PCNX2: variants seen among roughly 807,000 people sequenced by gnomAD.
PCNX2 encodes pecanex-like protein 2.
Under a neutral mutation model 223.8 loss-of-function variants are expected in PCNX2, and 168 were observed. The ratio of observed to expected loss-of-function variants is 0.75; its 90% CI spans 0.66 to 0.85. The LOEUF (loss-of-function observed/expected upper bound fraction) is 0.85. Ranked by LOEUF, PCNX2 falls within the 40% of genes least tolerant of loss-of-function variation. The pLI is 0.00. For synonymous variants in PCNX2, 1,006 were observed against 1,052.6 expected, an observed-to-expected ratio of 0.96 and a Z score of 0.86; for missense variants, 2,507 against 2,675.5, an observed-to-expected ratio of 0.94 and a Z score of 1.39.
At chr1:233,219,893 C>T (rs1657265120) in intron 10 of PCNX2, among the ~76,000 whole-genome samples, 1 of 152,178 alleles carries the variant, frequency 6.6e-6, no homozygotes, top group Non-Finnish European at 1.5e-5. Context: ...CAAATGAGAA[C>T]TCTAGTGAAA....
intron 8 of PCNX2, among the ~76,000 whole-genome samples, chr1:233,242,324 C>T (rs934805769): frequency 1.3e-5 from 2 of 152,100 alleles, no homozygotes; most frequent in African/African-American, 4.8e-5. Context: ...GTTGAAGTTC[C>T]ATCCTTGATA....
At chr1:233,087,160 G>A (rs189967926) in intron 23 of PCNX2, 2 of 985,396 alleles carry the variant, frequency 2.0e-6, no homozygotes, top group East Asian at 1.1e-4. Context: ...GTATTAAAAT[G>A]GTTTTGTTAC....
At chr1:233,060,889 C>A (rs1037247450) in intron 23 of PCNX2, among the ~76,000 whole-genome samples, 2 of 152,174 alleles carry the variant, frequency 1.3e-5, no homozygotes, top group Admixed American at 1.3e-4. Context: ...CTGAGAAGCA[C>A]CCCTCTTTTA....
chr1:233,131,907 T>C (rs1036269049), intron 21 of PCNX2, among the ~76,000 whole-genome samples: 1 of 151,694 alleles, frequency 6.6e-6, no homozygotes, highest in Non-Finnish European at 1.5e-5. Context: ...GTCAAATGCC[T>C]GCACAACTAA....
chr1:233,155,602 C>A (rs891627405), intron 19 of PCNX2, among the ~76,000 whole-genome samples: 2 of 152,112 alleles, frequency 1.3e-5, no homozygotes, highest in African/African-American at 4.8e-5. Flanking sequence ...AGAGTACAGT[C>A]ATCAAATCAG....
In PCNX2 at chr1:233,135,025, A is replaced by C. The variant is rs1210671975; in HGVS notation, c.3825T>G (p.Ile1275Met). The change falls in exon 21 of 34, where the codon ATT becomes ATG. Residue 1275 changes from isoleucine (I) to methionine (M), a missense_variant. By Grantham distance (10) the Ile-to-Met change is conservative. Around this residue, in one of 3 missense-constraint regions of PCNX2, gnomAD observed 1,372 missense variants for 1,509.4 expected, o/e 0.91. Transcript: ENST00000258229. ...SFLLDFFMVS[I>M]LFSKLGDLLH... ...CTAATTCACTTGCCTTGCTAAATAA[A>C]ATGGACACCATGAAGAAATCCAGTA... is the stretch of plus-strand genomic sequence containing the variant. The C allele has an allele frequency of 6.2e-7, 1 of 1,605,616 alleles. No homozygotes were observed. Among genetic ancestry groups the C allele is most frequent in the Admixed American group, 1.7e-5 (1 of 60,022 alleles).
At chr1:233,115,847 T>C (rs1234925856) in intron 21 of PCNX2, among the ~76,000 whole-genome samples, 1 of 152,108 alleles carries the variant, frequency 6.6e-6, no homozygotes, top group African/African-American at 2.4e-5. Context: ...ATGGTCTAAA[T>C]ATACTAAAGA....
the PCNX2 span, among the ~76,000 whole-genome samples, chr1:233,314,861 C>T: frequency 1.3e-5 from 2 of 152,208 alleles, no homozygotes; most frequent in African/African-American, 2.4e-5. Flanking sequence ...ATTGAACCCT[C>T]ACCTTTATCA....
At chr1:233,178,994 A>G (rs1288019630) in intron 16 of PCNX2, 72 bp downstream of exon 16, 1 of 1,352,318 alleles carries the variant, frequency 7.4e-7, no homozygotes, top group East Asian at 2.3e-5. Context: ...TGCCCATCTC[A>G]GTCAGGGCAC....
intron 17 of PCNX2, among the ~76,000 whole-genome samples, chr1:233,175,352 A>C (rs74826203): frequency 0.013 from 1,962 of 152,330 alleles, 26 homozygotes; most frequent in South Asian, 0.037. Flanking sequence ...AGGGTATGAA[A>C]ACCAAGGGAG....
intron 1 of PCNX2, among the ~76,000 whole-genome samples, chr1:233,285,743 T>C (rs1225286009): frequency 6.6e-6 from 1 of 152,252 alleles, no homozygotes. Flanking sequence ...TGGTTATTAC[T>C]TCAGCATAAG....
chr1:233,271,607 G>A (rs897210769), intron 1 of PCNX2, among the ~76,000 whole-genome samples: 2 of 152,120 alleles, frequency 1.3e-5, no homozygotes, highest in African/African-American at 4.8e-5. Context: ...TTAAAATCAG[G>A]TCTTAGGTTT....
intron 9 of PCNX2, among the ~76,000 whole-genome samples, chr1:233,229,094 C>T (rs572112133): frequency 6.0e-4 from 92 of 152,286 alleles, no homozygotes; most frequent in Middle Eastern, 6.8e-3. Flanking sequence ...TTTTTCCTAA[C>T]TTAGGAGAAG....
chr1:233,247,064 C>T (rs933261591), intron 8 of PCNX2, among the ~76,000 whole-genome samples: 6 of 152,214 alleles, frequency 3.9e-5, no homozygotes, highest in African/African-American at 1.2e-4. Flanking sequence ...TTGAGACAAT[C>T]GGAATATCCA....
intron 33 of PCNX2, chr1:232,985,314 C>T (rs1022066734): frequency 6.6e-6 from 1 of 152,256 alleles, no homozygotes; most frequent in Non-Finnish European, 1.5e-5. Context: ...TCTCCACCTG[C>T]AAATAACCTC....
At chr1:233,063,133 A>C (rs902136892) in intron 23 of PCNX2, among the ~76,000 whole-genome samples, 24 of 152,240 alleles carry the variant, frequency 1.6e-4, no homozygotes, top group African/African-American at 4.8e-4. Flanking sequence ...GCTACTCGGA[A>C]GGTGGAGGCA....
At chr1:233,280,326 G>C (rs1341592776) in intron 1 of PCNX2, among the ~76,000 whole-genome samples, 3 of 120,482 alleles carry the variant, frequency 2.5e-5, no homozygotes, top group Non-Finnish European at 5.0e-5. Context: ...TTGAGACAAA[G>C]TCTCACTCTG....
At chr1:233,290,978 A>T (rs956419455) in intron 1 of PCNX2, 1 of 985,336 alleles carries the variant, frequency 1.0e-6, no homozygotes, top group South Asian at 4.7e-5. Flanking sequence ...TCTTCCCACC[A>T]CTCAACTCTT....
intron 19 of PCNX2, among the ~76,000 whole-genome samples, chr1:233,153,568 G>T (rs1180636844): frequency 6.6e-6 from 1 of 152,168 alleles, no homozygotes; most frequent in Admixed American, 6.5e-5. Flanking sequence ...TATATTAGGA[G>T]AAGGAGGAAA....
Sources: allele counts gnomAD v4.1 joint callset (sites outside exome capture counted in the v4.1 genomes callset), GRCh38; gene constraint gnomAD v4.1.1; regional missense constraint gnomAD v4.1.1; transcripts MANE v1.5; gene names NCBI Gene and HGNC (gene_info 2026-07-23, HGNC 2026-07-21).